The following CACNA2D3 variants were observed in gnomAD, a reference collection of about 807,000 sequenced individuals.
CACNA2D3 encodes calcium voltage-gated channel auxiliary subunit alpha2delta 3.
A neutral mutation model predicts 160.6 loss-of-function variants in CACNA2D3; 60 were observed. That is an observed-to-expected ratio of 0.37 (90% CI 0.30 to 0.46). The LOEUF (loss-of-function observed/expected upper bound fraction) is 0.46. Ranked by LOEUF, CACNA2D3 falls within the 20% of genes least tolerant of loss-of-function variation. The probability of loss-of-function intolerance (pLI) is 1.00; values close to 1 mark genes in which losing one functional copy is unlikely to be tolerated. For missense variants in CACNA2D3, 1,205 were observed against 1,365.0 expected (o/e 0.88, Z 1.85); for synonymous variants, 558 against 492.9 (o/e 1.13, Z -1.75).
chr3:55,045,400 G>A (rs562543748), intron 35 of CACNA2D3, among the ~76,000 whole-genome samples: 1 of 152,280 alleles, frequency 6.6e-6, no homozygotes, highest in South Asian at 2.1e-4. Context: ...TCAGGATGAT[G>A]CTAGCCTTAT....
chr3:54,127,140 T>C (rs1416462766), intron 2 of CACNA2D3, among the ~76,000 whole-genome samples: 1 of 152,204 alleles, frequency 6.6e-6, no homozygotes, highest in African/African-American at 2.4e-5. Context: ...GGGGAACCAA[T>C]GTTCACGGGA....
intron 11 of CACNA2D3, among the ~76,000 whole-genome samples, chr3:54,660,844 C>T (rs1376750719): frequency 6.6e-6 from 1 of 152,136 alleles, no homozygotes; most frequent in South Asian, 2.1e-4. Context: ...AAGTGGAGCT[C>T]GGTTCATTGT....
At chr3:54,727,452 G>A (rs1701299354) in intron 11 of CACNA2D3, among the ~76,000 whole-genome samples, 1 of 152,152 alleles carries the variant, frequency 6.6e-6, no homozygotes, top group Non-Finnish European at 1.5e-5. Flanking sequence ...AAAGACACAT[G>A]CACACATATG....
chr3:54,299,396 T>G (rs1017220318), intron 2 of CACNA2D3, among the ~76,000 whole-genome samples: 33 of 152,190 alleles, frequency 2.2e-4, no homozygotes, highest in Non-Finnish European at 1.0e-4. Context: ...GGGGAGTGTT[T>G]GCGCAAGTCT....
At chr3:54,237,848 A>T (rs974204239) in intron 2 of CACNA2D3, among the ~76,000 whole-genome samples, 10 of 152,172 alleles carry the variant, frequency 6.6e-5, no homozygotes, top group Non-Finnish European at 1.3e-4. Flanking sequence ...CCATGGGTAG[A>T]GAAGTTTAGG....
rs1702351221 is a variant in CACNA2D3, at chr3:54,562,987, G to A, written c.676+56G>A. The A allele has an allele frequency of 2.0e-5, 31 of 1,529,322 alleles. No individual in the cohort carries two copies. In the South Asian group the frequency reaches 3.3e-4, roughly 16 times the overall value. The allele number at this position is 1,529,322 out of a possible 1,614,324, so 94.7% of individuals were successfully genotyped here. On this transcript the variant is annotated intron_variant, in intron 6 of 37. Transcript: ENST00000474759. ...CAGATTAATGATAACTGATAATGTG[G>A]TATTTTTCTTTAGGGTTCAAGGTTA... is the stretch of plus-strand genomic sequence containing the variant.
rs779847861 is a variant in CACNA2D3 at position 54,976,517 on chromosome 3, CTCT to C, written c.2556+6678_2556+6680del. The stretch of plus-strand genomic sequence containing the variant: ...TAAAAAAAGACAACATCTCAGTTTT[CTCT>C]TCTTTCCAAGAGAAAAATTCCCTGC... On this transcript the variant is annotated intron_variant, in intron 29 of 37. Transcript: ENST00000474759. Among the ~76,000 whole-genome samples, 451 of 152,206 alleles carry C rather than the reference CTCT, an allele frequency of 3.0e-3. 6 individuals are homozygous for C. Among genetic ancestry groups the C allele is most frequent in the East Asian group, 7.7e-4 (4 of 5,176 alleles).
chr3:54,426,435 C>T (rs1320878682), intron 4 of CACNA2D3, among the ~76,000 whole-genome samples: 1 of 152,188 alleles, frequency 6.6e-6, no homozygotes, highest in Non-Finnish European at 1.5e-5. Flanking sequence ...ATCAATTACA[C>T]AGTGCTTTTG....
intron 2 of CACNA2D3, among the ~76,000 whole-genome samples, chr3:54,281,116 T>C (rs932523661): frequency 2.0e-5 from 3 of 152,068 alleles, no homozygotes; most frequent in African/African-American, 7.2e-5. Context: ...CTAAACAACC[T>C]GGAGTGGAGA....
chr3:54,238,935 T>C lies in CACNA2D3; in HGVS notation c.205-81507T>C, dbSNP rs149498813. On this transcript the variant is annotated intron_variant, in intron 2 of 37. Transcript: ENST00000474759. ...AAACTCGTTTGAGGTCTTCAGATCA[T>C]TTTGAATATTTTATTAGCAACATAT... is the stretch of plus-strand genomic sequence containing the variant. Among the ~76,000 whole-genome samples the C allele has an allele frequency of 3.8e-4, 58 of 152,352 alleles. No homozygotes were observed. The East Asian group carries it at 0.01, about 27-fold the overall frequency.
intron 4 of CACNA2D3, among the ~76,000 whole-genome samples, chr3:54,456,189 G>T (rs147658634): frequency 1.6e-4 from 24 of 152,072 alleles, no homozygotes; most frequent in African/African-American, 5.3e-4. Context: ...ATGAGGCTGG[G>T]ATGTCTTTCC....
intron 5 of CACNA2D3, among the ~76,000 whole-genome samples, chr3:54,510,237 A>G (rs1235134404): frequency 2.0e-5 from 3 of 151,184 alleles, no homozygotes; most frequent in East Asian, 2.0e-4. Flanking sequence ...TGGATGGATG[A>G]ATGGATGAAT....
At chr3:55,005,583 C>T (rs898326062) in intron 32 of CACNA2D3, among the ~76,000 whole-genome samples, 34 of 152,278 alleles carry the variant, frequency 2.2e-4, no homozygotes, top group African/African-American at 6.7e-4. Context: ...GTTTCAGCAT[C>T]GTTTTCCCTG....
intron 4 of CACNA2D3, among the ~76,000 whole-genome samples, chr3:54,459,422 C>T (rs1387237172): frequency 2.0e-5 from 3 of 148,176 alleles, no homozygotes; most frequent in African/African-American, 5.0e-5. Context: ...TCCACATCCT[C>T]TCCAGCACCT....
At chr3:54,509,612 C>T (rs1701427703) in intron 5 of CACNA2D3, among the ~76,000 whole-genome samples, 1 of 152,126 alleles carries the variant, frequency 6.6e-6, no homozygotes, top group Admixed American at 6.5e-5. Flanking sequence ...TTGGTACCTA[C>T]AGTCCTCAGC....
intron 4 of CACNA2D3, among the ~76,000 whole-genome samples, chr3:54,484,790 G>C (rs1015450057): frequency 2.6e-5 from 4 of 151,796 alleles, no homozygotes; most frequent in Non-Finnish European, 5.9e-5. Flanking sequence ...TTTTTAGTCT[G>C]TTGTGAATTA....
chr3:54,414,780 G>C (rs950618256), intron 4 of CACNA2D3, among the ~76,000 whole-genome samples: 33 of 147,848 alleles, frequency 2.2e-4, no homozygotes, highest in African/African-American at 8.2e-4. Flanking sequence ...AAAGTCCTTG[G>C]CTCTTTTATT....
intron 27 of CACNA2D3, among the ~76,000 whole-genome samples, chr3:54,962,955 A>T (rs186845414): frequency 2.0e-5 from 3 of 152,268 alleles, no homozygotes; most frequent in East Asian, 3.9e-4. Context: ...TTCTAATTTT[A>T]TATGTTTTAT....
At chr3:54,872,919 G>T (rs1405333) in intron 18 of CACNA2D3, among the ~76,000 whole-genome samples, 42,569 of 151,824 alleles carry the variant, frequency 0.28, 7,885 homozygotes, top group East Asian at 0.6. Flanking sequence ...GATCCGGTCA[G>T]TTCTTAGGAC....
Sources: allele counts gnomAD v4.1 joint callset (sites outside exome capture counted in the v4.1 genomes callset), GRCh38; gene constraint gnomAD v4.1.1; transcripts MANE v1.5; gene names NCBI Gene and HGNC (gene_info 2026-07-23, HGNC 2026-07-21).